SSH2: variants seen among roughly 807,000 people sequenced by gnomAD.
SSH2 encodes the protein slingshot protein phosphatase 2, also known as protein phosphatase Slingshot homolog 2.
SSH2 carries 37 observed loss-of-function variants against 135.2 expected under a neutral mutation model. That is an observed-to-expected ratio of 0.27 (90% CI 0.21 to 0.36). The LOEUF (loss-of-function observed/expected upper bound fraction) is 0.36, where lower values mean the gene tolerates loss of function less well. Among genes scored for constraint, SSH2 ranks in the 10% least tolerant of loss-of-function variants. The pLI is 1.00. For missense variants in SSH2, 1,408 were observed against 1,765.3 expected, an observed-to-expected ratio of 0.80 and a Z score of 3.63; for synonymous variants, 628 against 646.2, an observed-to-expected ratio of 0.97 and a Z score of 0.43.
At chr17:29,781,480 T>TC (rs1284789148) in intron 3 of SSH2, among the ~76,000 whole-genome samples, 1 of 139,530 alleles carries the variant, frequency 7.2e-6, no homozygotes, top group Non-Finnish European at 1.6e-5. Context: ...TTTCTTTTTT[T>TC]TTTTTTTTTT....
In SSH2 at chr17:29,636,535, A is replaced by G; in HGVS notation, c.1695T>C (p.His565=). 6.2e-7 allele frequency: 1 copy of G among 1,614,204 alleles called. No homozygotes were observed. Among genetic ancestry groups the G allele is most frequent in the Non-Finnish European group, 8.5e-7 (1 of 1,180,032 alleles). ...ICLEFTSREF[H]AGQIEDELNL... ...TTAATTCATCCTCAATCTGTCCAGC[A>G]TGAAATTCCCTAGAAGTAAACTCCA... Residue 565 remains histidine (H), a synonymous_variant, in exon 15 of 16, where the codon CAT becomes CAC. Transcript: ENST00000540801.
rs749005181 is a variant in SSH2 at position 29,632,597 on chromosome 17, T to C, written c.2597A>G (p.Glu866Gly). ...TTCCCCCTCAGCTGGTTCCCCTTCT[T>C]CCAAGTCTGCTATAGATGAGTGTGT... ...LTTHSSIADLEEGEPAEGEQE... is the reference protein window; with the variant it reads ...LTTHSSIADLGEGEPAEGEQE... The change falls in exon 16 of 16, where the codon GAA becomes GGA. Residue 866 changes from glutamate (E) to glycine (G), a missense_variant. Physicochemically the swap from Glu to Gly is moderately conservative, Grantham distance 98. This residue lies in a region of SSH2 where 1,080 missense variants were observed against 1,144.5 expected (regional missense o/e 0.94). Transcript: ENST00000540801. 32 of 1,614,034 alleles carry C rather than the reference T, an allele frequency of 2.0e-5. No individual in the cohort carries two copies. Among genetic ancestry groups the C allele is most frequent in the Non-Finnish European group, 2.5e-5 (29 of 1,180,044 alleles).
intron 14 of SSH2, among the ~76,000 whole-genome samples, chr17:29,642,913 T>C (rs763244985): frequency 6.6e-6 from 1 of 152,126 alleles, no homozygotes; most frequent in Non-Finnish European, 1.5e-5. Context: ...TCAAATTAAA[T>C]ACCCAGGGCC....
At chr17:29,796,973 T>C (rs898659172) in intron 2 of SSH2, among the ~76,000 whole-genome samples, 5 of 151,992 alleles carry the variant, frequency 3.3e-5, no homozygotes, top group Admixed American at 6.6e-5. Context: ...CTGCCAGGCC[T>C]GGCTAATTTT....
chr17:29,702,835 C>G, intron 4 of SSH2, 124 bp downstream of exon 4: 1 of 811,038 alleles, frequency 1.2e-6, no homozygotes, highest in East Asian at 2.5e-5. Context: ...CATTACGGCC[C>G]TGTACAATGC....
At chr17:29,877,515 T>C (rs1401130769) in intron 1 of SSH2, among the ~76,000 whole-genome samples, 2 of 152,166 alleles carry the variant, frequency 1.3e-5, no homozygotes, top group South Asian at 2.1e-4. Context: ...AATGTGGCCC[T>C]TATATACAAT....
At chr17:29,843,730 C>T (rs1438787972) in intron 2 of SSH2, among the ~76,000 whole-genome samples, 3 of 152,154 alleles carry the variant, frequency 2.0e-5, no homozygotes, top group Admixed American at 2.0e-4. Flanking sequence ...TATCTTCAAT[C>T]TATAAGGACT....
intron 1 of SSH2, among the ~76,000 whole-genome samples, chr17:29,917,420 G>A (rs757434850): frequency 7.2e-5 from 11 of 152,014 alleles, no homozygotes; most frequent in East Asian, 1.9e-4. Context: ...CTCACCATAC[G>A]AGGCAATTAA....
chr17:29,870,663 T>A (rs2065923828), intron 1 of SSH2, among the ~76,000 whole-genome samples: 1 of 152,204 alleles, frequency 6.6e-6, no homozygotes, highest in African/African-American at 2.4e-5. Context: ...CACACAGGCA[T>A]CTACTGGGGT....
In SSH2 at chr17:29,630,958, T is replaced by G. The variant is rs1314952907; in HGVS notation, c.4236A>C (p.Pro1412=). 6.2e-7 allele frequency: 1 copy of G among 1,611,254 alleles called. No individual in the cohort carries two copies. The highest frequency in any genetic ancestry group is 1.7e-5 in the Admixed American group (1 of 59,998). ...LQTQGLQCAC[P]APGLAVAPRQ... ...GGGGTGCCACGGCCAGCCCTGGAGC[T>G]GGGCATGCACACTGCAGTCCCTGGG... The change falls in exon 16 of 16, where the codon CCA becomes CCC. Residue 1412 remains proline (P), a synonymous_variant. Coordinates refer to ENST00000540801, the MANE Select transcript of SSH2 (RefSeq NM_001282129.2).
chr17:29,680,476 G>A (rs1326149759), intron 6 of SSH2, among the ~76,000 whole-genome samples: 1 of 147,594 alleles, frequency 6.8e-6, no homozygotes, highest in African/African-American at 2.5e-5. Context: ...ACTTGAACCT[G>A]GGAGGTGGAA....
chr17:29,840,990 A>G (rs1485098428), intron 2 of SSH2, among the ~76,000 whole-genome samples: 1 of 152,280 alleles, frequency 6.6e-6, no homozygotes, highest in African/African-American at 2.4e-5. Flanking sequence ...CTGATTCTGA[A>G]AGTCTGAGAG....
At position 29,910,161 on chromosome 17, in the gene SSH2, G is replaced by A. The variant is rs150213924; in HGVS notation, c.63+19777C>T. 1.4e-3 allele frequency among the ~76,000 whole-genome samples: 208 copies of A among 152,192 alleles called. 1 individual carries two copies. Among genetic ancestry groups the A allele is most frequent in the African/African-American group, 4.5e-3 (187 of 41,512 alleles). ...AAGTCTTGCTATGTTGCCCAGGCTG[G>A]TTTCAAATTCCTGGCCTGAAGCAAT... On this transcript the variant is annotated intron_variant, in intron 1 of 15. Transcript: ENST00000540801.
chr17:29,855,629 G>A (rs2065649467), intron 1 of SSH2: 1 of 152,652 alleles, frequency 6.6e-6, no homozygotes, highest in Admixed American at 6.5e-5. Context: ...CTGGCACTTA[G>A]GTGTAACTGC....
chr17:29,809,535 G>C (rs984879452), intron 2 of SSH2, among the ~76,000 whole-genome samples: 1 of 151,644 alleles, frequency 6.6e-6, no homozygotes, highest in African/African-American at 2.4e-5. Context: ...TCCCCCTTTT[G>C]CTTGCCTACT....
At chr17:29,920,242 C>A (rs952849026) in intron 1 of SSH2, among the ~76,000 whole-genome samples, 1 of 152,192 alleles carries the variant, frequency 6.6e-6, no homozygotes, top group African/African-American at 2.4e-5. Flanking sequence ...GAAGGCAGTG[C>A]TGCACAGTGT....
At chr17:29,686,235 T>C (rs1338912529) in intron 5 of SSH2, among the ~76,000 whole-genome samples, 1 of 152,192 alleles carries the variant, frequency 6.6e-6, no homozygotes, top group Non-Finnish European at 1.5e-5. Context: ...ACATATATTA[T>C]ATATACAATA....
At chr17:29,707,232 A>G (rs1281686229) in intron 3 of SSH2, 1 of 151,666 alleles carries the variant, frequency 6.6e-6, no homozygotes, top group Non-Finnish European at 1.5e-5. Context: ...CTTATGCTTT[A>G]AAGTATATGT....
At chr17:29,725,075 C>T (rs375533538) in intron 3 of SSH2, among the ~76,000 whole-genome samples, 26 of 150,106 alleles carry the variant, frequency 1.7e-4, no homozygotes, top group East Asian at 8.2e-4. Flanking sequence ...CGGCCAGGCA[C>T]GGTGGCTCAC....
Sources: gnomAD v4.1 joint callset for allele counts (sites outside exome capture counted in the v4.1 genomes callset) on GRCh38, gnomAD v4.1.1 for gene constraint, gnomAD v4.1.1 regional missense constraint, MANE v1.5 for transcripts, NCBI Gene and HGNC (gene_info 2026-07-23, HGNC 2026-07-21) for gene names.